Variants in BCAS3 observed in about 807,000 individuals in gnomAD.
The protein encoded by BCAS3 is BCAS3 microtubule associated cell migration factor, also known as BCAS4/BCAS3 fusion.
A neutral mutation model predicts 116.1 loss-of-function variants in BCAS3; 53 were observed. The ratio of observed to expected loss-of-function variants is 0.46; its 90% CI spans 0.37 to 0.57. The LOEUF is 0.57. BCAS3 is among the 20% of genes least tolerant of loss of function. BCAS3 has a pLI of 0.00. For missense variants in BCAS3, 917 were observed against 1,165.4 expected, an observed-to-expected ratio of 0.79 and a Z score of 3.10; for synonymous variants, 391 against 408.2, an observed-to-expected ratio of 0.96 and a Z score of 0.51.
chr17:60,815,656 C>T (rs1431730310), intron 7 of BCAS3, among the ~76,000 whole-genome samples: 2 of 152,008 alleles, frequency 1.3e-5, no homozygotes, highest in African/African-American at 2.4e-5. Context: ...ATAGGTGATA[C>T]GAGGAACCAT....
intron 4 of BCAS3, 107 bp downstream of exon 4, chr17:60,689,868 A>AT: frequency 1.3e-6 from 1 of 744,186 alleles, no homozygotes; most frequent in Non-Finnish European, 2.2e-6. Context: ...TCTTATAGTA[A>AT]TTTTTCAGTT....
chr17:61,166,345 C>A (rs2078490296), intron 22 of BCAS3, among the ~76,000 whole-genome samples: 3 of 139,730 alleles, frequency 2.1e-5, no homozygotes, highest in Admixed American at 1.4e-4. Flanking sequence ...CCTTTTTTTT[C>A]TTTTTCTAAA....
intron 14 of BCAS3, among the ~76,000 whole-genome samples, chr17:60,988,064 C>T (rs1183657559): frequency 1.3e-5 from 2 of 151,934 alleles, no homozygotes; most frequent in Non-Finnish European, 2.9e-5. Flanking sequence ...ATATGTATTT[C>T]CAGCATCAGT....
intron 5 of BCAS3, among the ~76,000 whole-genome samples, chr17:60,712,825 G>C (rs953512049): frequency 1.2e-4 from 19 of 152,188 alleles, no homozygotes; most frequent in Non-Finnish European, 1.5e-5. Flanking sequence ...TCATAGGGGA[G>C]AAGGAGATGG....
At chr17:61,360,369 C>G (rs1340139259) in intron 22 of BCAS3, among the ~76,000 whole-genome samples, 4 of 152,160 alleles carry the variant, frequency 2.6e-5, no homozygotes, top group Non-Finnish European at 5.9e-5. Flanking sequence ...GCTCTGGAAG[C>G]CAAATATTTG....
intron 5 of BCAS3, among the ~76,000 whole-genome samples, chr17:60,746,714 T>G (rs952478452): frequency 6.6e-6 from 1 of 152,200 alleles, no homozygotes; most frequent in Non-Finnish European, 1.5e-5. Flanking sequence ...CATGATTTAC[T>G]CAAGGTTAAC....
chr17:61,062,720 C>T (rs868806656), intron 19 of BCAS3, among the ~76,000 whole-genome samples: 8 of 152,214 alleles, frequency 5.3e-5, no homozygotes, highest in East Asian at 1.9e-4. Context: ...TTTTTGTAAG[C>T]GATGATACTA....
chr17:61,288,760 A>G (rs2052082905), intron 22 of BCAS3, among the ~76,000 whole-genome samples: 2 of 152,158 alleles, frequency 1.3e-5, no homozygotes, highest in South Asian at 2.1e-4. Flanking sequence ...CCACATGCCA[A>G]TCCTCCAAGC....
chr17:61,368,488 G>A lies in BCAS3; in HGVS notation c.2587G>A (p.Gly863Arg), dbSNP rs202116679. The A allele has an allele frequency of 6.2e-5, 99 of 1,604,184 alleles. No individual in the cohort carries two copies. The highest frequency in any genetic ancestry group is 9.3e-5 in the African/African-American group (7 of 74,920). ...ESPSRDVVGSGTELQREGSIE... is the reference protein window; with the variant it reads ...ESPSRDVVGSRTELQREGSIE... ...ACCTAGCCGGGACGTCGTGGGATCC[G>A]GAACAGGTAAAGGTGTCATCAGACT... The change falls in exon 23 of 24, where the codon GGA becomes AGA. Residue 863 changes from glycine (G) to arginine (R), a missense_variant. Physicochemically the swap from Gly to Arg is moderately radical, Grantham distance 125. Transcript: ENST00000407086. The surrounding 1 kb of genome is among the most constrained non-coding windows in gnomAD (Gnocchi z 6.0).
At position 61,131,650 on chromosome 17, in the gene BCAS3, T is replaced by C. The variant is rs1035757906; in HGVS notation, c.2425+47086T>C. On this transcript the variant is annotated intron_variant, in intron 22 of 23. Transcript: ENST00000407086. The surrounding 1 kb of genome is among the most constrained non-coding windows in gnomAD (Gnocchi z 4.4). ...TGAGCCTCCAGGCCTTTGCAGCCTGTAGTGGTCTGCACTTCTCTGTTTTTC... is the reference window on the plus strand; with the variant it reads ...TGAGCCTCCAGGCCTTTGCAGCCTGCAGTGGTCTGCACTTCTCTGTTTTTC... Among the ~76,000 whole-genome samples, 1 of 152,218 alleles carries C rather than the reference T, an allele frequency of 6.6e-6. No individual in the cohort carries two copies. The highest frequency in any genetic ancestry group is 2.4e-5 in the African/African-American group (1 of 41,462).
Position 61,014,603 on chromosome 17 carries a change from TG to T in BCAS3, c.1487-1147del, listed in dbSNP as rs57828666. Among the ~76,000 whole-genome samples the T allele has an allele frequency of 5.5e-4, 84 of 151,904 alleles. 2 individuals carry two copies. The highest frequency in any genetic ancestry group is 1.9e-3 in the African/African-American group (78 of 41,398). On this transcript the variant is annotated intron_variant, in intron 15 of 23. Transcript: ENST00000407086. ...AATAAATCACAGTTTGCTTTTCCCC[TG>T]TCAAATCAACATTGCACTGGAAGTT... is the stretch of plus-strand genomic sequence containing the variant.
In BCAS3 at chr17:61,391,963, C is replaced by G; in HGVS notation, c.2594-14C>G. ...CAACTCTAACCAGGCCTGGCCCTCT[C>G]CTGTGTCTTGCAGAACTTCAGCGAG... is the stretch of plus-strand genomic sequence containing the variant. On this transcript the variant is annotated splice_polypyrimidine_tract_variant and intron_variant, in intron 23 of 23. Transcript: ENST00000407086. This position sits in a 1 kb window ranked among gnomAD's most constrained non-coding sequence, Gnocchi z 7.7. 1 of 1,612,744 alleles carries G rather than the reference C, an allele frequency of 6.2e-7. No homozygotes were observed.
In BCAS3 at chr17:61,324,849, AAAG is replaced by A. The variant is rs1194094752; in HGVS notation, c.2426-43473_2426-43471del. Among the ~76,000 whole-genome samples, 3 of 152,120 alleles carry A rather than the reference AAAG, an allele frequency of 2.0e-5. No homozygotes were observed. Among genetic ancestry groups the A allele is most frequent in the East Asian group, 1.9e-4 (1 of 5,194 alleles). On this transcript the variant is annotated intron_variant, in intron 22 of 23. Coordinates refer to ENST00000407086, the MANE Select transcript of BCAS3 (RefSeq NM_017679.5). This position sits in a 1 kb window ranked among gnomAD's most constrained non-coding sequence, Gnocchi z 4.6. ...AAAAAAAAAAAAAAGAAGAAACAAA[AAAG>A]AAGATGTAGACTGTGTGATCTCTGA... is the stretch of plus-strand genomic sequence containing the variant.
chr17:61,020,751 CAA>C lies in BCAS3; in HGVS notation c.1637+4856_1637+4857del, dbSNP rs1172464229. On this transcript the variant is annotated intron_variant, in intron 16 of 23. Coordinates refer to ENST00000407086, the MANE Select transcript of BCAS3 (RefSeq NM_017679.5). The surrounding 1 kb of genome is among the most constrained non-coding windows in gnomAD (Gnocchi z 4.5). ...AAAATATTTTCTATGTAACAATTCA[CAA>C]AAAAATGTTCATCAATGAGCTTAAT... is the stretch of plus-strand genomic sequence containing the variant. Among the ~76,000 whole-genome samples the C allele has an allele frequency of 3.3e-5, 5 of 151,904 alleles. No homozygotes were observed. The highest frequency in any genetic ancestry group is 3.3e-4 in the Admixed American group (5 of 15,250).
chr17:61,276,163 A>C lies in BCAS3; in HGVS notation c.2426-92164A>C, dbSNP rs963739724. The stretch of plus-strand genomic sequence containing the variant: ...CAGGAGTTCAAGACCAGGCTGACCA[A>C]CATGGTGAAACCCCATTTCTACTAA... On this transcript the variant is annotated intron_variant, in intron 22 of 23. Transcript: ENST00000407086. The surrounding 1 kb of genome is among the most constrained non-coding windows in gnomAD (Gnocchi z 4.2). Among the ~76,000 whole-genome samples the C allele has an allele frequency of 2.0e-5, 3 of 152,154 alleles. No individual in the cohort carries two copies. Among genetic ancestry groups the C allele is most frequent in the Non-Finnish European group, 4.4e-5 (3 of 68,028 alleles).
rs541511891 is a variant in BCAS3 at position 60,916,108 on chromosome 17, C to T, written c.993+5406C>T. Reference sequence around the variant, plus strand: ...ATTTTTCTATTATGAATAAAGCTGTCGTGATCATTTGTGTAAAGGTTTTTA... The same window carrying T: ...ATTTTTCTATTATGAATAAAGCTGTTGTGATCATTTGTGTAAAGGTTTTTA... On this transcript the variant is annotated intron_variant, in intron 12 of 23. Transcript: ENST00000407086. Among the ~76,000 whole-genome samples, 6 of 152,212 alleles carry T rather than the reference C, an allele frequency of 3.9e-5. No individual in the cohort carries two copies. The East Asian group carries it at 7.7e-4, about 20-fold the overall frequency.
Position 61,128,914 on chromosome 17 carries a change from T to G in BCAS3, c.2425+44350T>G, listed in dbSNP as rs1402758833. 6.6e-6 allele frequency among the ~76,000 whole-genome samples: 1 copy of G among 152,174 alleles called. No homozygotes were observed. The highest frequency in any genetic ancestry group is 2.4e-5 in the African/African-American group (1 of 41,448). ...CCATTAAATTACTTCCTAAGTCACTTCCGGATGTCAGGCCTAAGGTGGAGA... is the reference window on the plus strand; with the variant it reads ...CCATTAAATTACTTCCTAAGTCACTGCCGGATGTCAGGCCTAAGGTGGAGA... On this transcript the variant is annotated intron_variant, in intron 22 of 23. Coordinates refer to ENST00000407086, the MANE Select transcript of BCAS3 (RefSeq NM_017679.5). The surrounding 1 kb of genome is among the most constrained non-coding windows in gnomAD (Gnocchi z 4.1).
intron 22 of BCAS3, among the ~76,000 whole-genome samples, chr17:61,250,202 C>A (rs185025767): frequency 2.0e-5 from 3 of 152,078 alleles, no homozygotes; most frequent in African/African-American, 7.2e-5. Context: ...GTTCCTAGAT[C>A]GTTTATCCCC....
Position 61,051,364 on chromosome 17 carries a change from G to GT in BCAS3, c.2029+10473dup, listed in dbSNP as rs1299275856. 6.7e-6 allele frequency among the ~76,000 whole-genome samples: 1 copy of GT among 149,780 alleles called. No individual in the cohort carries two copies. Among genetic ancestry groups the GT allele is most frequent in the Non-Finnish European group, 1.5e-5 (1 of 66,538 alleles). ...ATCTTTGTGGTGATAGGACAGTTCT[G>GT]TATCTTGATTGTAGTGGAGGTTACA... On this transcript the variant is annotated intron_variant, in intron 19 of 23. Coordinates refer to ENST00000407086, the MANE Select transcript of BCAS3 (RefSeq NM_017679.5). The surrounding 1 kb of genome is among the most constrained non-coding windows in gnomAD (Gnocchi z 4.1).
Sources: allele counts gnomAD v4.1 joint callset (sites outside exome capture counted in the v4.1 genomes callset), GRCh38; gene constraint gnomAD v4.1.1; non-coding constraint Gnocchi (gnomAD v3.1); transcripts MANE v1.5; gene names NCBI Gene and HGNC (gene_info 2026-07-23, HGNC 2026-07-21).